NDST4: variants seen among roughly 807,000 people sequenced by gnomAD.
The protein encoded by NDST4 is N-heparan sulfate sulfotransferase 4.
A neutral mutation model predicts 100.8 loss-of-function variants in NDST4; 63 were observed. The ratio of observed to expected loss-of-function variants is 0.62; its 90% confidence interval spans 0.51 to 0.77. NDST4 has a LOEUF of 0.77. NDST4 is among the 30% of genes least tolerant of loss of function. The pLI, the probability that NDST4 is intolerant of heterozygous loss-of-function variation, is 0.00. For synonymous variants in NDST4, 377 were observed against 361.8 expected (o/e 1.04, Z -0.48); for missense variants, 943 against 1,018.4 (o/e 0.93, Z 1.01).
At chr4:115,086,880 A>C (rs1729419491) in intron 1 of NDST4, among the ~76,000 whole-genome samples, 1 of 152,044 alleles carries the variant, frequency 6.6e-6, no homozygotes, top group Non-Finnish European at 1.5e-5. Flanking sequence ...AGAAACTTTT[A>C]TGTGGATATT....
At chr4:114,925,222 A>G (rs1208935960) in intron 6 of NDST4, among the ~76,000 whole-genome samples, 1 of 152,186 alleles carries the variant, frequency 6.6e-6, no homozygotes, top group Non-Finnish European at 1.5e-5. Context: ...AGCCAAAATC[A>G]TCAAAGAATA....
intron 2 of NDST4, among the ~76,000 whole-genome samples, chr4:115,024,438 T>C (rs982108177): frequency 6.9e-6 from 1 of 144,998 alleles, no homozygotes; most frequent in African/African-American, 2.9e-5. Context: ...GATTTATAAC[T>C]GATTTTTTTT....
intron 2 of NDST4, among the ~76,000 whole-genome samples, chr4:115,056,298 A>G (rs1728692555): frequency 6.6e-6 from 1 of 152,018 alleles, no homozygotes; most frequent in Non-Finnish European, 1.5e-5. Context: ...GGATGCACTG[A>G]GCTATGATCA....
At chr4:115,050,523 A>G (rs530816738) in intron 2 of NDST4, among the ~76,000 whole-genome samples, 5 of 152,244 alleles carry the variant, frequency 3.3e-5, no homozygotes, top group South Asian at 4.1e-4. Context: ...CATGGTATTT[A>G]TGGGGAATTA....
intron 1 of NDST4, among the ~76,000 whole-genome samples, chr4:115,096,966 G>A (rs542278677): frequency 5.9e-5 from 9 of 151,860 alleles, no homozygotes; most frequent in South Asian, 2.1e-4. Flanking sequence ...CCTATAAGCG[G>A]CATTTTATAC....
rs556025576 is a variant in NDST4, at chr4:114,988,785, A to G, written c.979-11511T>C. Among the ~76,000 whole-genome samples, 8 of 152,164 alleles carry G rather than the reference A, an allele frequency of 5.3e-5. No homozygotes were observed. The South Asian group carries it at 1.0e-3, about 20-fold the overall frequency. On this transcript the variant is annotated intron_variant, in intron 2 of 13. Transcript: ENST00000264363. ...ATTTTTTAAGCTCAAATGTAGTAGA[A>G]TTTTCTCAGTGCACCGCCAGTAGGA...
intron 2 of NDST4, among the ~76,000 whole-genome samples, chr4:115,032,609 T>A (rs1312307627): frequency 6.6e-6 from 1 of 152,110 alleles, no homozygotes. Context: ...TGTATTAGAT[T>A]ATATAATTAA....
At chr4:114,867,664 G>GAAAAAAAAAA (rs1491405935) in intron 7 of NDST4, among the ~76,000 whole-genome samples, 8 of 26,068 alleles carry the variant, frequency 3.1e-4, no homozygotes, top group Non-Finnish European at 5.8e-4. Flanking sequence ...AAAAAAAAAA[G>GAAAAAAAAAA]CAAAAAAAAA....
At chr4:114,902,559 T>C (rs1478791507) in intron 6 of NDST4, among the ~76,000 whole-genome samples, 1 of 152,048 alleles carries the variant, frequency 6.6e-6, no homozygotes, top group Non-Finnish European at 1.5e-5. Context: ...TGGGGGAGAT[T>C]TATCCTCCTT....
chr4:115,049,229 T>C (rs1053317040), intron 2 of NDST4, among the ~76,000 whole-genome samples: 2 of 151,942 alleles, frequency 1.3e-5, no homozygotes, highest in African/African-American at 4.8e-5. Flanking sequence ...AAAATTTGGC[T>C]TGATGAGAAA....
At chr4:114,898,157 T>C (rs2126208901) in intron 6 of NDST4, among the ~76,000 whole-genome samples, 1 of 152,316 alleles carries the variant, frequency 6.6e-6, no homozygotes, top group South Asian at 2.1e-4. Flanking sequence ...TTTTTAACCA[T>C]GCTATCTTCT....
At chr4:114,971,127 C>A (rs1047025974) in intron 3 of NDST4, among the ~76,000 whole-genome samples, 1 of 151,950 alleles carries the variant, frequency 6.6e-6, no homozygotes, top group Non-Finnish European at 1.5e-5. Context: ...TTTCAAAAAT[C>A]TTTTTCTACT....
At chr4:115,108,368 C>A (rs1001098864) in intron 1 of NDST4, among the ~76,000 whole-genome samples, 7 of 151,982 alleles carry the variant, frequency 4.6e-5, no homozygotes, top group African/African-American at 1.7e-4. Context: ...CAGCAGTCTA[C>A]AACTGAATTT....
intron 1 of NDST4, among the ~76,000 whole-genome samples, chr4:115,111,027 T>C (rs946027889): frequency 1.2e-3 from 190 of 152,082 alleles, no homozygotes; most frequent in African/African-American, 4.0e-3. Flanking sequence ...AGCCAGAATC[T>C]TCTAGTTTGA....
chr4:115,071,607 C>T (rs779669405), intron 2 of NDST4, among the ~76,000 whole-genome samples: 7 of 151,688 alleles, frequency 4.6e-5, no homozygotes, highest in Non-Finnish European at 7.4e-5. Flanking sequence ...TATTGAACAC[C>T]TCTTTTATAC....
chr4:114,913,746 A>C (rs866201578), intron 6 of NDST4, among the ~76,000 whole-genome samples: 205 of 138,464 alleles, frequency 1.5e-3, no homozygotes, highest in African/African-American at 5.1e-3. Flanking sequence ...AAAAAAAAAA[A>C]AAAACACTTT....
In NDST4 at chr4:114,977,294, A is replaced by G. The variant is rs1369601540; in HGVS notation, c.979-20T>C. Reference sequence around the variant, plus strand: ...TAATGCCTGAAATAAATAAGAAATTAACATGATTTTAGAAAAATAAATATG... The same window carrying G: ...TAATGCCTGAAATAAATAAGAAATTGACATGATTTTAGAAAAATAAATATG... On this transcript the variant is annotated intron_variant, in intron 2 of 13. Transcript: ENST00000264363. 7.2e-6 allele frequency: 11 copies of G among 1,521,430 alleles called. No homozygotes were observed. Among genetic ancestry groups the G allele is most frequent in the Non-Finnish European group, 9.9e-6 (11 of 1,107,080 alleles). 94.2% of individuals were successfully genotyped at this position (1,521,430 alleles called of 1,614,324 possible). A position where few individuals can be genotyped will look rare whatever the true frequency, so the allele number is the denominator to read the frequency against.
chr4:114,845,844 G>C lies in NDST4; in HGVS notation c.2094C>G (p.Asp698Glu), dbSNP rs779070902. 6 of 1,613,846 alleles carry C rather than the reference G, an allele frequency of 3.7e-6. No individual in the cohort carries two copies. In the African/African-American group the frequency reaches 6.7e-5, roughly 18 times the overall value. The change falls in exon 10 of 14, where the codon GAC becomes GAG. Residue 698 changes from aspartate to glutamate, a missense_variant. Around this residue, in one of 2 missense-constraint regions of NDST4, gnomAD observed 526 missense variants for 634.1 expected, o/e 0.83. Transcript: ENST00000264363. ...ATACCTGGTACCAAGAGTATGCCCT[G>C]TCTGAGGGGTCAATGAGGATGGTGA... ...KIITILIDPSDRAYSWYQHQR... is the reference protein window; with the variant it reads ...KIITILIDPSERAYSWYQHQR...
At chr4:114,853,425 C>T (rs891327727) in intron 7 of NDST4, among the ~76,000 whole-genome samples, 78 of 152,274 alleles carry the variant, frequency 5.1e-4, no homozygotes, top group African/African-American at 1.8e-3. Context: ...TCAGACTCAA[C>T]ATACCCAATG....
Sources: gnomAD v4.1 joint callset for allele counts (sites outside exome capture counted in the v4.1 genomes callset) on GRCh38, gnomAD v4.1.1 for gene constraint, gnomAD v4.1.1 regional missense constraint, MANE v1.5 for transcripts, NCBI Gene and HGNC (gene_info 2026-07-23, HGNC 2026-07-21) for gene names.